Variants in IGSF8 observed in about 807,000 individuals in gnomAD.
IGSF8 encodes the protein immunoglobulin superfamily member 8, also known as CD81 partner 3.
Under a neutral mutation model 55.5 loss-of-function variants are expected in IGSF8, and 46 were observed. The ratio of observed to expected loss-of-function variants is 0.83; its 90% CI spans 0.65 to 1.06. IGSF8 has a LOEUF of 1.06. Ranked by LOEUF, IGSF8 falls within the 50% of genes least tolerant of loss-of-function variation. IGSF8 has a pLI of 0.00. For missense variants in IGSF8, 731 were observed against 832.3 expected (o/e 0.88, Z 1.50); for synonymous variants, 314 against 356.1 (o/e 0.88, Z 1.33).
upstream of IGSF8, chr1:160,098,802 GC>G: frequency 4.7e-6 from 1 of 213,618 alleles, no homozygotes; most frequent in East Asian, 9.0e-5. Flanking sequence ...TCCGCACCTG[GC>G]CCCGGCCCCG....
At position 160,094,389 on chromosome 1, in the gene IGSF8, C is replaced by T. The variant is rs1023150025; in HGVS notation, c.443-218G>A. Among the ~76,000 whole-genome samples the T allele has an allele frequency of 5.9e-5, 9 of 152,202 alleles. No individual in the cohort carries two copies. Among genetic ancestry groups the T allele is most frequent in the African/African-American group, 2.2e-4 (9 of 41,438 alleles). On this transcript the variant is annotated intron_variant, in intron 2 of 6. Transcript: ENST00000314485. This position sits in a 1 kb window ranked among gnomAD's most constrained non-coding sequence, Gnocchi z 4.0. ...GTAGAATTTCATAGAACCAGCCCAT[C>T]GCCTACTCACCCTTATGTTTGAGAC...
At position 160,092,604 on chromosome 1, in the gene IGSF8, AC is replaced by A. The variant is rs774752719; in HGVS notation, c.1403del (p.Gly468ValfsTer33). On this transcript the variant is annotated frameshift_variant, in exon 5 of 7. Coordinates refer to ENST00000314485, the MANE Select transcript of IGSF8 (RefSeq NM_052868.6). LOFTEE classifies it high-confidence loss of function. ...ASLLCNISVR[G>X]GPPGLRLAAS... ...CGGCCAGCCGCAGTCCTGGGGGGCC[AC>A]CCCGCACAGAGATGTTGCACAGCAG... is the stretch of plus-strand genomic sequence containing the variant. 1.2e-6 allele frequency: 2 copies of A among 1,606,990 alleles called. No individual in the cohort carries two copies. The highest frequency in any genetic ancestry group is 4.5e-5 in the East Asian group (2 of 44,876).
Position 160,092,417 on chromosome 1 carries a change from G to T in IGSF8, c.1591C>A (p.Leu531Ile), listed in dbSNP as rs769899382. 6.2e-7 allele frequency: 1 copy of T among 1,610,912 alleles called. No homozygotes were observed. The highest frequency in any genetic ancestry group is 1.7e-5 in the Admixed American group (1 of 59,852). ...TCATCCTCGGGCCCCAAGCTGTGTAGTCTCAGCCGATGGCTTCGGGGCCCC... is the reference window on the plus strand; with the variant it reads ...TCATCCTCGGGCCCCAAGCTGTGTATTCTCAGCCGATGGCTTCGGGGCCCC... ...LVGPRSHRLR[L>I]HSLGPEDEGV... Residue 531 changes from leucine (L) to isoleucine (I), a missense_variant, in exon 5 of 7, where the codon CTA becomes ATA. Transcript: ENST00000314485.
chr1:160,092,738 G>A (rs1428177818), intron 4 of IGSF8, 43 bp from the exon 5 acceptor site: 5 of 1,586,622 alleles, frequency 3.2e-6, no homozygotes, highest in South Asian at 2.2e-5. Flanking sequence ...CAGGGCCAGG[G>A]AGCATGGGGT....
Position 160,092,876 on chromosome 1 carries a change from A to G in IGSF8, c.1312+48T>C, listed in dbSNP as rs760987844. 2.7e-5 allele frequency: 42 copies of G among 1,545,312 alleles called. No individual in the cohort carries two copies. In the East Asian group the frequency reaches 9.3e-4, roughly 34 times the overall value. ...GAGGGGTCATGGAAACAGAAGGAAA[A>G]GGGGTTGACAATCCTCGAACCCCGT... On this transcript the variant is annotated intron_variant, in intron 4 of 6. Transcript: ENST00000314485.
chr1:160,098,040 G>T (rs866141320), intron 1 of IGSF8: 2 of 938,554 alleles, frequency 2.1e-6, no homozygotes, highest in Non-Finnish European at 2.5e-6. Flanking sequence ...CTCGTAGGGC[G>T]GGCACCCAAG....
rs1649939504 is a variant in IGSF8, at chr1:160,091,385, C to T, written c.*239G>A. On this transcript the variant is annotated 3_prime_UTR_variant, in exon 7 of 7. Transcript: ENST00000314485. ...TATTCACATTTTAGAAAAACTAATT[C>T]CAGGACAGGAAATGGCCTCCCTATA... 5.9e-6 allele frequency: 1 copy of T among 168,316 alleles called. No individual in the cohort carries two copies. Among genetic ancestry groups the T allele is most frequent in the African/African-American group, 2.4e-5 (1 of 41,682 alleles). The allele number at this position is 168,316 out of a possible 1,614,324, so 10.4% of individuals were successfully genotyped here.
intron 1 of IGSF8, among the ~76,000 whole-genome samples, chr1:160,096,018 A>T (rs1650408951): frequency 6.6e-6 from 1 of 152,172 alleles, no homozygotes. Context: ...TCATTTGCAC[A>T]TGGTATGCAT....
At chr1:160,097,925 C>G in intron 1 of IGSF8, 1 of 985,480 alleles carries the variant, frequency 1.0e-6, no homozygotes, top group Non-Finnish European at 1.2e-6. Flanking sequence ...TGATGAAGTG[C>G]GTGGAGCGCA....
At position 160,095,150 on chromosome 1, in the gene IGSF8, T is replaced by C; in HGVS notation, c.161A>G (p.Tyr54Cys). The C allele has an allele frequency of 6.2e-7, 1 of 1,613,634 alleles. No individual in the cohort carries two copies. Among genetic ancestry groups the C allele is most frequent in the Non-Finnish European group, 8.5e-7 (1 of 1,180,042 alleles). Residue 54 changes from tyrosine to cysteine, a missense_variant, in exon 2 of 7, where the codon TAT (tyrosine) becomes TGT (cysteine). Coordinates refer to ENST00000314485, the MANE Select transcript of IGSF8 (RefSeq NM_052868.6). ...AVSISCNVTG[Y>C]EGPAQQNFEW... ...GAAGTTCTGCTGGGCAGGGCCCTCA[T>C]AGCCGGTCACATTGCAGGAGATGGA...
intron 4 of IGSF8, 36 bp from the exon 5 acceptor site, chr1:160,092,731 G>A (rs1173726589): frequency 6.3e-7 from 1 of 1,592,578 alleles, no homozygotes; most frequent in Non-Finnish European, 8.5e-7. Flanking sequence ...GAGGGTGCAG[G>A]GCCAGGGAGC....
chr1:160,092,142 A>G, intron 5 of IGSF8, 140 bp downstream of exon 5: 1 of 1,025,322 alleles, frequency 9.8e-7, no homozygotes. Flanking sequence ...CAGGGCTGGA[A>G]GTTGGATTTT....
chr1:160,098,063 G>A (rs1481423319), intron 1 of IGSF8: 7 of 801,162 alleles, frequency 8.7e-6, no homozygotes, highest in Non-Finnish European at 1.1e-5. Flanking sequence ...CAGGCCTGGA[G>A]CTGAGTGTGG....
rs1471285124 is a variant in IGSF8 at position 160,098,532 on chromosome 1, G to A, written c.-60C>T. 4 of 1,256,742 alleles carry A rather than the reference G, an allele frequency of 3.2e-6. No individual in the cohort carries two copies. The highest frequency in any genetic ancestry group is 2.7e-5 in the East Asian group (1 of 37,526). 77.8% of individuals were successfully genotyped at this position (1,256,742 alleles called of 1,614,324 possible). ...TGGCGCGGGTTCTGGGGGGCCGGAA[G>A]GGTGGGGGGCGCATGCCCAGGTTGA... On this transcript the variant is annotated 5_prime_UTR_variant, in exon 1 of 7. Transcript: ENST00000314485.
chr1:160,092,985 G>A lies in IGSF8; in HGVS notation c.1251C>T (p.Thr417=). Reference sequence around the variant, plus strand: ...GGGCACTGGCTGCTTCACGAAGCCGGGTCCCAGACCCTCGAACATAGGCTT... The same window carrying A: ...GGGCACTGGCTGCTTCACGAAGCCGAGTCCCAGACCCTCGAACATAGGCTT... ...LAKAYVRGSG[T]RLREAASARS... The change falls in exon 4 of 7, where the codon ACC becomes ACT. Residue 417 remains threonine (T), a synonymous_variant. Coordinates refer to ENST00000314485, the MANE Select transcript of IGSF8 (RefSeq NM_052868.6). 1.2e-6 allele frequency: 2 copies of A among 1,613,148 alleles called. No individual in the cohort carries two copies. Among genetic ancestry groups the A allele is most frequent in the East Asian group, 4.5e-5 (2 of 44,850 alleles).
At chr1:160,093,657 C>T in intron 3 of IGSF8, 53 bp downstream of exon 3, 4 of 1,453,960 alleles carry the variant, frequency 2.8e-6, no homozygotes, top group Non-Finnish European at 2.8e-6. Flanking sequence ...ACAGTGCCCA[C>T]CAGGATACTG....
In IGSF8 at chr1:160,098,411, A is replaced by C; in HGVS notation, c.62T>G (p.Leu21Arg). The change falls in exon 1 of 7, where the codon CTA (leucine) becomes CGA (arginine). Residue 21 changes from leucine to arginine, a missense_variant and splice_region_variant. Leu to Arg is a moderately radical substitution (Grantham distance 102). Transcript: ENST00000314485. ...PSLPLLLLLM[L>R]GMGCWAREVL... is the part of the protein sequence containing the mutation. ...ACCGGAACGGGGGCCTGGCTTACCT[A>C]GCATTAGCAGCAGCAGCAGCGGCAG... is the stretch of plus-strand genomic sequence containing the variant. 6.4e-7 allele frequency: 1 copy of C among 1,550,646 alleles called. No individual in the cohort carries two copies. The highest frequency in any genetic ancestry group is 8.7e-7 in the Non-Finnish European group (1 of 1,146,660).
In IGSF8 at chr1:160,092,638, G is replaced by A; in HGVS notation, c.1370C>T (p.Thr457Ile). Residue 457 changes from threonine to isoleucine, a missense_variant, in exon 5 of 7, where the codon ACT becomes ATT. Transcript: ENST00000314485. Reference protein sequence around the residue: ...LAGGTVYRGETASLLCNISVR... With the variant: ...LAGGTVYRGEIASLLCNISVR... ...AGAGATGTTGCACAGCAGGGAGGCA[G>A]TCTCCCCGCGGTACACTGTGCCTCC... is the stretch of plus-strand genomic sequence containing the variant. The A allele has an allele frequency of 6.2e-7, 1 of 1,602,758 alleles. No individual in the cohort carries two copies. Among genetic ancestry groups the A allele is most frequent in the Non-Finnish European group, 8.5e-7 (1 of 1,179,944 alleles).
intron 1 of IGSF8, among the ~76,000 whole-genome samples, chr1:160,096,249 G>A (rs1650428177): frequency 6.6e-6 from 1 of 152,036 alleles, no homozygotes; most frequent in Admixed American, 6.6e-5. Context: ...GAACCTCAAT[G>A]TAAAGAGGGC....
Sources: gnomAD v4.1 joint callset for allele counts (sites outside exome capture counted in the v4.1 genomes callset) on GRCh38, gnomAD v4.1.1 for gene constraint, Gnocchi (gnomAD v3.1) non-coding constraint, MANE v1.5 for transcripts, NCBI Gene and HGNC (gene_info 2026-07-23, HGNC 2026-07-21) for gene names.